Variants in PARP15 observed in about 807,000 individuals in gnomAD.
PARP15 encodes protein mono-ADP-ribosyltransferase PARP15.
PARP15 carries 50 observed loss-of-function variants against 62.1 expected under a neutral mutation model. The ratio of observed to expected loss-of-function variants is 0.81; its 90% CI spans 0.64 to 1.02. PARP15 has a LOEUF of 1.02. PARP15 is among the 50% of genes least tolerant of loss of function. The pLI is 0.00. For synonymous variants in PARP15, 309 were observed against 293.1 expected, an observed-to-expected ratio of 1.05 and a Z score of -0.55; for missense variants, 820 against 826.5, an observed-to-expected ratio of 0.99 and a Z score of 0.10.
chr3:122,602,140 C>G (rs1470613830), intron 1 of PARP15, among the ~76,000 whole-genome samples: 2 of 152,066 alleles, frequency 1.3e-5, no homozygotes, highest in African/African-American at 4.8e-5. Context: ...TGGGCTTGGT[C>G]TCTTTTACTT....
At chr3:122,596,753 T>C (rs1043995328) in intron 1 of PARP15, among the ~76,000 whole-genome samples, 3 of 152,238 alleles carry the variant, frequency 2.0e-5, no homozygotes, top group Admixed American at 6.5e-5. Flanking sequence ...TTAATGGCTG[T>C]ACCTCACCTG....
At chr3:122,601,039 T>TTTTTTTTG (rs1934757147) in intron 1 of PARP15, among the ~76,000 whole-genome samples, 1 of 130,334 alleles carries the variant, frequency 7.7e-6, no homozygotes, top group African/African-American at 3.4e-5. Flanking sequence ...TTTTATGGTT[T>TTTTTTTTG]TTTTTTTTTT....
At chr3:122,616,377 T>C (rs545210993) in intron 5 of PARP15, among the ~76,000 whole-genome samples, 1 of 148,814 alleles carries the variant, frequency 6.7e-6, no homozygotes, top group South Asian at 2.2e-4. Context: ...TCACCCAGGA[T>C]GGAGTGCAGT....
chr3:122,619,693 T>C (rs1576531752), intron 6 of PARP15, 88 bp from the exon 7 acceptor site: 1 of 1,125,680 alleles, frequency 8.9e-7, no homozygotes, highest in Non-Finnish European at 1.4e-6. Flanking sequence ...CACAAAAGGG[T>C]GAGTTGAGCA....
At position 122,621,597 on chromosome 3, in the gene PARP15, C is replaced by T. The variant is rs543908551; in HGVS notation, c.1217C>T (p.Pro406Leu). Reference protein sequence around the residue: ...EQRKYTSVSLPAIGTGNAGKN... With the variant: ...EQRKYTSVSLLAIGTGNAGKN... ...AGGAAGTACACATCGGTTTCCCTTC[C>T]AGCCATTGGAACAGGTTTGCAGCTT... Residue 406 changes from proline (P) to leucine (L), a missense_variant, in exon 8 of 12, where the codon CCA (proline) becomes CTA (leucine). Pro to Leu is a moderately conservative substitution (Grantham distance 98). Transcript: ENST00000464300. 1.3e-4 allele frequency: 215 copies of T among 1,595,042 alleles called. 4 individuals carry two copies. In the South Asian group the frequency reaches 2.0e-3, roughly 15 times the overall value.
intron 1 of PARP15, among the ~76,000 whole-genome samples, chr3:122,593,207 C>T (rs1934082355): frequency 6.6e-6 from 1 of 152,006 alleles, no homozygotes; most frequent in East Asian, 1.9e-4. Flanking sequence ...GGCGCAATCT[C>T]AGCTCACTGC....
In PARP15 at chr3:122,594,844, T is replaced by C. The variant is rs953724833; in HGVS notation, c.187-11092T>C. The C allele has an allele frequency of 1.1e-4, 112 of 983,228 alleles. No homozygotes were observed. In the African/African-American group the frequency reaches 1.6e-3, roughly 14 times the overall value. The allele number at this position is 983,228 out of a possible 1,614,324, so 60.9% of individuals were successfully genotyped here. A position where few individuals can be genotyped will look rare whatever the true frequency, so the allele number is the denominator to read the frequency against. On this transcript the variant is annotated intron_variant, in intron 1 of 11. Coordinates refer to ENST00000464300, the MANE Select transcript of PARP15 (RefSeq NM_001113523.3). ...TTGGAACAGACAACAACCATTAAGA[T>C]TGAAAATATGCCACTTGATGGTGAA...
At chr3:122,604,872 A>C (rs377520262) in intron 1 of PARP15, among the ~76,000 whole-genome samples, 6 of 151,480 alleles carry the variant, frequency 4.0e-5, no homozygotes, top group African/African-American at 1.5e-4. Flanking sequence ...AAAGAAAAGA[A>C]AAAAAATACA....
At chr3:122,587,175 A>T (rs552477338) in intron 1 of PARP15, among the ~76,000 whole-genome samples, 1 of 152,324 alleles carries the variant, frequency 6.6e-6, no homozygotes, top group Non-Finnish European at 1.5e-5. Flanking sequence ...AATGTACTGT[A>T]GATTATGTAT....
At chr3:122,590,295 T>A (rs7652279) in intron 1 of PARP15, among the ~76,000 whole-genome samples, 1 of 151,676 alleles carries the variant, frequency 6.6e-6, no homozygotes, top group Non-Finnish European at 1.5e-5. Context: ...TATTTTGAGA[T>A]GGGGTCTCGC....
chr3:122,580,043 G>T (rs1359771799), intron 1 of PARP15, among the ~76,000 whole-genome samples: 1 of 119,042 alleles, frequency 8.4e-6, no homozygotes, highest in Non-Finnish European at 1.8e-5. Context: ...ATATGCACGC[G>T]CGCACACACA....
At chr3:122,634,437 G>A (rs1937237736) in intron 10 of PARP15, among the ~76,000 whole-genome samples, 2 of 152,216 alleles carry the variant, frequency 1.3e-5, no homozygotes, top group Non-Finnish European at 2.9e-5. Flanking sequence ...AGGAGAACCA[G>A]TAGAGGGTGA....
chr3:122,633,613 G>C (rs1258455743), intron 10 of PARP15, among the ~76,000 whole-genome samples: 1 of 151,676 alleles, frequency 6.6e-6, no homozygotes, highest in African/African-American at 2.4e-5. Context: ...ATTTTATGAA[G>C]TAATATAAGA....
At chr3:122,585,513 A>G (rs933626679) in intron 1 of PARP15, among the ~76,000 whole-genome samples, 1 of 152,226 alleles carries the variant, frequency 6.6e-6, no homozygotes, top group Non-Finnish European at 1.5e-5. Flanking sequence ...GGATCCTGCC[A>G]TGTAGTGTCC....
At chr3:122,628,579 C>T (rs893825783) in intron 9 of PARP15, among the ~76,000 whole-genome samples, 1 of 152,142 alleles carries the variant, frequency 6.6e-6, no homozygotes, top group African/African-American at 2.4e-5. Context: ...ACTGGTTCAT[C>T]ACTCTTTGCT....
chr3:122,620,821 T>TCTC (rs71136578), intron 7 of PARP15, among the ~76,000 whole-genome samples: 29,895 of 151,180 alleles, frequency 0.2, 3,347 homozygotes, highest in African/African-American at 0.33. Context: ...AGGGATCCAC[T>TCTC]CTCCTCCTCC....
At chr3:122,609,465 A>G (rs1415380061) in intron 2 of PARP15, among the ~76,000 whole-genome samples, 4 of 152,154 alleles carry the variant, frequency 2.6e-5, no homozygotes, top group African/African-American at 9.7e-5. Flanking sequence ...TGGGGGGCCA[A>G]GGTGGGCAGG....
chr3:122,586,325 C>T (rs1484256793), intron 1 of PARP15, among the ~76,000 whole-genome samples: 1 of 151,886 alleles, frequency 6.6e-6, no homozygotes. Context: ...TCCCACCTCA[C>T]CCTCCTAAGT....
chr3:122,631,249 T>C (rs1443715814), intron 9 of PARP15, among the ~76,000 whole-genome samples: 1 of 152,210 alleles, frequency 6.6e-6, no homozygotes, highest in Non-Finnish European at 1.5e-5. Flanking sequence ...AGAATGACTT[T>C]AAAAATGGAG....
Sources: gnomAD v4.1 joint callset for allele counts (sites outside exome capture counted in the v4.1 genomes callset) on GRCh38, gnomAD v4.1.1 for gene constraint, MANE v1.5 for transcripts, NCBI Gene and HGNC (gene_info 2026-07-23, HGNC 2026-07-21) for gene names.